NUDCD3: variants seen among roughly 807,000 people sequenced by gnomAD.
NUDCD3 encodes NudC domain containing 3, also known as nudC domain-containing protein 3.
NUDCD3 carries 13 observed loss-of-function variants against 39.7 expected under a neutral mutation model. The observed-to-expected ratio is 0.33, with a 90% CI of 0.21 to 0.52. The LOEUF is 0.52. Ranked by LOEUF, NUDCD3 falls within the 20% of genes least tolerant of loss-of-function variation. The probability of loss-of-function intolerance (pLI) is 0.96; values close to 1 mark genes in which losing one functional copy is unlikely to be tolerated. For synonymous variants in NUDCD3, 175 were observed against 172.4 expected (o/e 1.02, Z -0.12); for missense variants, 453 against 458.1 (o/e 0.99, Z 0.10).
In NUDCD3 at chr7:44,490,450, T is replaced by G. The variant is rs780721403; in HGVS notation, c.151A>C (p.Met51Leu). The G allele has an allele frequency of 5.6e-5, 89 of 1,591,874 alleles. No homozygotes were observed. The highest frequency in any genetic ancestry group is 7.2e-5 in the Non-Finnish European group (84 of 1,170,966). The change falls in exon 1 of 6, where the codon ATG becomes CTG. Residue 51 changes from methionine to leucine, a missense_variant. Met to Leu is a conservative substitution (Grantham distance 15, BLOSUM62 2). Coordinates refer to ENST00000355451, the MANE Select transcript of NUDCD3 (RefSeq NM_015332.4). ...YRLLRHPSDR[M>L]GFPPGAAQAL... Reference sequence around the variant, plus strand: ...TGCGCGGCCCCGGGCGGGAAGCCCATGCGGTCCGATGGGTGGCGCAGCAAG... The same window carrying G: ...TGCGCGGCCCCGGGCGGGAAGCCCAGGCGGTCCGATGGGTGGCGCAGCAAG...
chr7:44,419,079 G>A (rs993058389), intron 3 of NUDCD3, among the ~76,000 whole-genome samples: 3 of 152,080 alleles, frequency 2.0e-5, no homozygotes, highest in Non-Finnish European at 2.9e-5. Flanking sequence ...ACCCCAGCAA[G>A]ACAGAACCGT....
chr7:44,465,700 A>G (rs1315895988), intron 2 of NUDCD3, among the ~76,000 whole-genome samples: 1 of 152,226 alleles, frequency 6.6e-6, no homozygotes, highest in Non-Finnish European at 1.5e-5. Context: ...GGTAGAGTGG[A>G]TAAACACAGT....
intron 2 of NUDCD3, among the ~76,000 whole-genome samples, chr7:44,441,081 G>A (rs541363238): frequency 7.2e-5 from 11 of 152,268 alleles, no homozygotes; most frequent in African/African-American, 2.6e-4. Flanking sequence ...TTTCCCTGCT[G>A]GGTGCCACTA....
At chr7:44,484,714 C>T (rs992735647) in intron 2 of NUDCD3, 2 of 422,572 alleles carry the variant, frequency 4.7e-6, no homozygotes, top group African/African-American at 4.0e-5. Context: ...GAGTCAAGTG[C>T]TCTAATTTTG....
chr7:44,414,134 G>A (rs1348492233), intron 3 of NUDCD3, among the ~76,000 whole-genome samples: 2 of 151,990 alleles, frequency 1.3e-5, no homozygotes, highest in Admixed American at 6.5e-5. Flanking sequence ...ATGCATATAC[G>A]CAAAATGAAG....
At chr7:44,408,779 C>T (rs1798873696) in intron 3 of NUDCD3, among the ~76,000 whole-genome samples, 1 of 152,134 alleles carries the variant, frequency 6.6e-6, no homozygotes, top group East Asian at 1.9e-4. Context: ...TAGACCCATC[C>T]CCACTCTCCA....
intron 2 of NUDCD3, among the ~76,000 whole-genome samples, chr7:44,431,797 A>G (rs1799369767): frequency 6.7e-6 from 1 of 149,640 alleles, no homozygotes; most frequent in African/African-American, 2.5e-5. Context: ...CTCAATCTCC[A>G]GAGTAGCTGG....
At chr7:44,427,034 C>T (rs978900582) in intron 3 of NUDCD3, among the ~76,000 whole-genome samples, 2 of 152,084 alleles carry the variant, frequency 1.3e-5, no homozygotes, top group Non-Finnish European at 2.9e-5. Flanking sequence ...GTCATTTTGT[C>T]TAATTTGAGT....
Position 44,404,460 on chromosome 7 carries a change from C to G in NUDCD3, c.766G>C (p.Glu256Gln), listed in dbSNP as rs55683944. Reference protein sequence around the residue: ...INTESSLWSLEPGKCVLVNLS... With the variant: ...INTESSLWSLQPGKCVLVNLS... Reference sequence around the variant, plus strand: ...CTTACCAAAACGCACTTCCCGGGCTCGAGACTCCAGAGAGAACTCTCAGTG... The same window carrying G: ...CTTACCAAAACGCACTTCCCGGGCTGGAGACTCCAGAGAGAACTCTCAGTG... The change falls in exon 4 of 6, where the codon GAG (glutamate) becomes CAG (glutamine). Residue 256 changes from glutamate to glutamine, a missense_variant. By Grantham distance (29) the Glu-to-Gln change is conservative (BLOSUM62 2). Transcript: ENST00000355451. The G allele has an allele frequency of 1.2e-6, 2 of 1,613,940 alleles. No homozygotes were observed. Among genetic ancestry groups the G allele is most frequent in the East Asian group, 2.2e-5 (1 of 44,892 alleles).
intron 2 of NUDCD3, among the ~76,000 whole-genome samples, chr7:44,472,414 A>C (rs1800273737): frequency 6.6e-6 from 1 of 152,234 alleles, no homozygotes; most frequent in South Asian, 2.1e-4. Flanking sequence ...GCAAGACTTG[A>C]GTAAATAAGA....
In NUDCD3 at chr7:44,384,958, T is replaced by C. The variant is rs1161058210; in HGVS notation, c.*1053A>G. On this transcript the variant is annotated 3_prime_UTR_variant, in exon 6 of 6. Coordinates refer to ENST00000355451, the MANE Select transcript of NUDCD3 (RefSeq NM_015332.4). ...ACCAGTCCCTGGAGAACAGGTAAGATTGGGCCATAAGTTCCAAGGAGCACA... is the reference window on the plus strand; with the variant it reads ...ACCAGTCCCTGGAGAACAGGTAAGACTGGGCCATAAGTTCCAAGGAGCACA... 3 of 152,220 alleles carry C rather than the reference T, an allele frequency of 2.0e-5. No individual in the cohort carries two copies. The highest frequency in any genetic ancestry group is 7.2e-5 in the African/African-American group (3 of 41,422). The allele number at this position is 152,220 out of a possible 1,614,324, so 9.4% of individuals were successfully genotyped here. A position where few individuals can be genotyped will look rare whatever the true frequency, so the allele number is the denominator to read the frequency against.
chr7:44,450,061 C>A (rs559011443), intron 2 of NUDCD3, among the ~76,000 whole-genome samples: 29 of 151,994 alleles, frequency 1.9e-4, no homozygotes, highest in African/African-American at 6.5e-4. Context: ...TTTAAATGGA[C>A]AAAATATTTC....
intron 4 of NUDCD3, among the ~76,000 whole-genome samples, chr7:44,400,713 C>G (rs748978108): frequency 4.3e-4 from 66 of 152,224 alleles, no homozygotes; most frequent in Non-Finnish European, 7.2e-4. Flanking sequence ...CCATTTCCAG[C>G]TTCTGGTGGC....
chr7:44,405,451 C>G (rs540411868), intron 3 of NUDCD3, among the ~76,000 whole-genome samples: 1 of 152,304 alleles, frequency 6.6e-6, no homozygotes, highest in East Asian at 1.9e-4. Context: ...AGGAGGTTCA[C>G]AGGTCAGTAA....
chr7:44,443,282 C>G (rs1415471603), intron 2 of NUDCD3, among the ~76,000 whole-genome samples: 1 of 152,120 alleles, frequency 6.6e-6, no homozygotes, highest in Non-Finnish European at 1.5e-5. Flanking sequence ...GCATGCTAAT[C>G]TTAAAGAAGA....
chr7:44,422,068 T>A (rs550634361), intron 3 of NUDCD3, among the ~76,000 whole-genome samples: 1 of 152,204 alleles, frequency 6.6e-6, no homozygotes, highest in East Asian at 1.9e-4. Flanking sequence ...AAGGCAGAAA[T>A]AACGAAGTTC....
chr7:44,441,464 G>A (rs934586591), intron 2 of NUDCD3, among the ~76,000 whole-genome samples: 9 of 152,150 alleles, frequency 5.9e-5, no homozygotes, highest in Admixed American at 1.3e-4. Context: ...TTTTGCTCCC[G>A]CCAACAATAG....
At chr7:44,407,532 C>T (rs866646589) in intron 3 of NUDCD3, among the ~76,000 whole-genome samples, 29 of 126,056 alleles carry the variant, frequency 2.3e-4, no homozygotes, top group South Asian at 7.3e-4. Context: ...ACCATTGCAA[C>T]AGGAGCCTGA....
At chr7:44,468,349 C>CAAAAAAACAAA in intron 2 of NUDCD3, 1 of 375,658 alleles carries the variant, frequency 2.7e-6, no homozygotes, top group Non-Finnish European at 4.2e-6. Context: ...GTAAAAACTG[C>CAAAAAAACAAA]AAAAAAAAAA....
Sources: gnomAD v4.1 joint callset for allele counts (sites outside exome capture counted in the v4.1 genomes callset) on GRCh38, gnomAD v4.1.1 for gene constraint, MANE v1.5 for transcripts, NCBI Gene and HGNC (gene_info 2026-07-23, HGNC 2026-07-21) for gene names.